The following IL17RE variants were observed in gnomAD, a reference collection of about 807,000 sequenced individuals.
The protein encoded by IL17RE is interleukin-17 receptor E.
In IL17RE, 47 loss-of-function variants were observed where a neutral mutation model predicts 70.7. The observed-to-expected ratio is 0.67, with a 90% CI of 0.53 to 0.85. The LOEUF (loss-of-function observed/expected upper bound fraction) is 0.85. Ranked by LOEUF, IL17RE falls within the 40% of genes least tolerant of loss-of-function variation. The probability of loss-of-function intolerance (pLI) is 0.00; values close to 1 mark genes in which losing one functional copy is unlikely to be tolerated. For synonymous variants in IL17RE, 372 were observed against 381.2 expected, an observed-to-expected ratio of 0.98 and a Z score of 0.28; for missense variants, 850 against 893.9, an observed-to-expected ratio of 0.95 and a Z score of 0.63.
chr3:9,915,843 G>T lies in IL17RE; in HGVS notation c.*36G>T. On this transcript the variant is annotated 3_prime_UTR_variant, in exon 16 of 16. Coordinates refer to ENST00000383814, the MANE Select transcript of IL17RE (RefSeq NM_153480.2). This position sits in a 1 kb window ranked among gnomAD's most constrained non-coding sequence, Gnocchi z 4.9. ...ACCGCAGTCCCGGGTGTCTGCGGCC[G>T]CAACGCAACGGACACTGGCTGGAAC... 2 of 1,466,322 alleles carry T rather than the reference G, an allele frequency of 1.4e-6. No homozygotes were observed. Among genetic ancestry groups the T allele is most frequent in the African/African-American group, 1.5e-5 (1 of 67,892 alleles). The allele number at this position is 1,466,322 out of a possible 1,614,324, so 90.8% of individuals were successfully genotyped here. A position where few individuals can be genotyped will look rare whatever the true frequency, so the allele number is the denominator to read the frequency against.
Position 9,915,977 on chromosome 3 carries a change from C to T in IL17RE, c.*170C>T. ...CGGAAGTCCCAGCCCAGTCCCCGCGCGCGTCCCTCTTCCTCCTCATACTTT... is the reference window on the plus strand; with the variant it reads ...CGGAAGTCCCAGCCCAGTCCCCGCGTGCGTCCCTCTTCCTCCTCATACTTT... On this transcript the variant is annotated 3_prime_UTR_variant, in exon 16 of 16. Coordinates refer to ENST00000383814, the MANE Select transcript of IL17RE (RefSeq NM_153480.2). The surrounding 1 kb of genome is among the most constrained non-coding windows in gnomAD (Gnocchi z 4.9). The T allele has an allele frequency of 8.3e-7, 1 of 1,207,962 alleles. No individual in the cohort carries two copies. Among genetic ancestry groups the T allele is most frequent in the Non-Finnish European group, 1.1e-6 (1 of 935,202 alleles). 74.8% of individuals were successfully genotyped at this position (1,207,962 alleles called of 1,614,324 possible).
In IL17RE at chr3:9,905,094, C is replaced by CAAAAAA. The variant is rs71626946; in HGVS notation, c.268+963_268+968dup. 1.5e-3 allele frequency among the ~76,000 whole-genome samples: 84 copies of CAAAAAA among 55,494 alleles called. 1 individual carries two copies. Among genetic ancestry groups the CAAAAAA allele is most frequent in the Middle Eastern group, 0.016 (1 of 64 alleles). 36.4% of individuals were successfully genotyped at this position (55,494 alleles called of 152,430 possible). A position where few individuals can be genotyped will look rare whatever the true frequency, so the allele number is the denominator to read the frequency against. Reference sequence around the variant, plus strand: ...TGGATGACAGTGTGAGACCCTGTCTCAAAAAAAAAAAAAAAAAAAAAAAAA... The same window carrying CAAAAAA: ...TGGATGACAGTGTGAGACCCTGTCTCAAAAAAAAAAAAAAAAAAAAAAAAAAAAAAA... On this transcript the variant is annotated intron_variant, in intron 3 of 15. Coordinates refer to ENST00000383814, the MANE Select transcript of IL17RE (RefSeq NM_153480.2).
At position 9,915,445 on chromosome 3, in the gene IL17RE, G is replaced by A; in HGVS notation, c.1642G>A (p.Val548Ile). The change falls in exon 16 of 16, where the codon GTA becomes ATA. Residue 548 changes from valine (V) to isoleucine (I), a missense_variant. Physicochemically the swap from Val to Ile is conservative, Grantham distance 29. Coordinates refer to ENST00000383814, the MANE Select transcript of IL17RE (RefSeq NM_153480.2). This position sits in a 1 kb window ranked among gnomAD's most constrained non-coding sequence, Gnocchi z 4.9. The stretch of plus-strand genomic sequence containing the variant: ...GTGGCTCTGGGCGGCGCGGACGCGC[G>A]TAGCGCGGGAGCAGGGCACTGTGCT... ...LPWLWAARTR[V>I]AREQGTVLLL... The A allele has an allele frequency of 1.5e-6, 2 of 1,352,376 alleles. No individual in the cohort carries two copies. Among genetic ancestry groups the A allele is most frequent in the Non-Finnish European group, 1.9e-6 (2 of 1,060,746 alleles). 83.8% of individuals were successfully genotyped at this position (1,352,376 alleles called of 1,614,324 possible). A position where few individuals can be genotyped will look rare whatever the true frequency, so the allele number is the denominator to read the frequency against.
intron 8 of IL17RE, chr3:9,909,869 G>A (rs1413846577): frequency 6.6e-6 from 1 of 152,510 alleles, no homozygotes; most frequent in Non-Finnish European, 1.5e-5. Flanking sequence ...AGCCCAAGAA[G>A]GGCCATTATA....
upstream of IL17RE, chr3:9,902,767 G>C: frequency 6.5e-7 from 1 of 1,538,228 alleles, no homozygotes; most frequent in Non-Finnish European, 8.7e-7. Context: ...AATGTGGCCT[G>C]GCTGGCTGGT....
At chr3:9,911,799 CTTTTTTTCT>C in intron 12 of IL17RE, 11 of 478,012 alleles carry the variant, frequency 2.3e-5, no homozygotes, top group South Asian at 1.2e-4. Context: ...TCTTTTTTTT[CTTTTTTTCT>C]TTTTTTTTTT....
At chr3:9,908,358 C>G in intron 7 of IL17RE, 51 bp downstream of exon 7, 1 of 1,496,502 alleles carries the variant, frequency 6.7e-7, no homozygotes, top group Middle Eastern at 2.0e-4. Flanking sequence ...CCTAAGCCCC[C>G]AAGGTAGCGC....
intron 2 of IL17RE, among the ~76,000 whole-genome samples, chr3:9,903,756 C>T (rs1046275454): frequency 3.3e-5 from 5 of 152,146 alleles, no homozygotes; most frequent in Non-Finnish European, 5.9e-5. Context: ...TTGGCTCCTC[C>T]CCTTAACTGA....
rs2082986328 is a variant in IL17RE, at chr3:9,915,129, A to C, written c.1448-122A>C. On this transcript the variant is annotated intron_variant, in intron 15 of 15. Transcript: ENST00000383814. The surrounding 1 kb of genome is among the most constrained non-coding windows in gnomAD (Gnocchi z 4.9). ...TGTTTTCGGTACCAACCCCCAGAGCAAATAAGGGGCGGGGGCGGGGGCGGA... is the reference window on the plus strand; with the variant it reads ...TGTTTTCGGTACCAACCCCCAGAGCCAATAAGGGGCGGGGGCGGGGGCGGA... 1.6e-6 allele frequency: 2 copies of C among 1,274,138 alleles called. No homozygotes were observed. Among genetic ancestry groups the C allele is most frequent in the Admixed American group, 7.7e-5 (2 of 25,880 alleles). The allele number at this position is 1,274,138 out of a possible 1,614,324, so 78.9% of individuals were successfully genotyped here.
At chr3:9,902,645 C>T, upstream of IL17RE, 1 of 1,536,106 alleles carries the variant, frequency 6.5e-7, no homozygotes, top group Middle Eastern at 1.7e-4. Context: ...TGATGCTAGC[C>T]CCTTTCCTGT....
At position 9,907,000 on chromosome 3, in the gene IL17RE, C is replaced by A. The variant is rs1286423855; in HGVS notation, c.566C>A (p.Ala189Asp). The change falls in exon 6 of 16, where the codon GCT becomes GAT. Residue 189 changes from alanine to aspartate, a missense_variant. By Grantham distance (126) the Ala-to-Asp change is moderately radical. Transcript: ENST00000383814. ...FSFDLLPEAR[A>D]IRVTISSGPE... ...TTTGATTTGCTGCCTGAGGCCCGGG[C>A]TATTCGGGTGACCATATCTTCAGGC... 5.0e-6 allele frequency: 8 copies of A among 1,614,056 alleles called. No homozygotes were observed. In the East Asian group the frequency reaches 1.6e-4, roughly 31 times the overall value.
chr3:9,912,291 T>A (rs2082912349), intron 12 of IL17RE, among the ~76,000 whole-genome samples: 1 of 152,062 alleles, frequency 6.6e-6, no homozygotes. Flanking sequence ...ATGAAACCAG[T>A]CCCTGGTGCC....
chr3:9,914,094 G>A (rs2082955858), intron 13 of IL17RE, 70 bp downstream of exon 13: 8 of 1,247,354 alleles, frequency 6.4e-6, no homozygotes, highest in Non-Finnish European at 9.4e-6. Context: ...CCCACCCCTG[G>A]AAAATCCATT....
At chr3:9,907,177 G>A (rs2082779916) in intron 6 of IL17RE, 77 bp downstream of exon 6, 1 of 1,566,834 alleles carries the variant, frequency 6.4e-7, no homozygotes, top group Admixed American at 1.7e-5. Flanking sequence ...TACAAATGAG[G>A]AAACTGAGGC....
At position 9,911,117 on chromosome 3, in the gene IL17RE, C is replaced by T; in HGVS notation, c.979-10C>T. 3 of 1,614,190 alleles carry T rather than the reference C, an allele frequency of 1.9e-6. No homozygotes were observed. Among genetic ancestry groups the T allele is most frequent in the African/African-American group, 2.7e-5 (2 of 75,046 alleles). ...TTTTCTCCCTGATGAACTCTCCTCTCCTCCCACAGTGGTATGTTTTGGAGA... is the reference window on the plus strand; with the variant it reads ...TTTTCTCCCTGATGAACTCTCCTCTTCTCCCACAGTGGTATGTTTTGGAGA... On this transcript the variant is annotated splice_polypyrimidine_tract_variant and intron_variant, in intron 9 of 15. Transcript: ENST00000383814.
At chr3:9,914,285 C>A in intron 13 of IL17RE, 2 of 820,052 alleles carry the variant, frequency 2.4e-6, no homozygotes, top group Non-Finnish European at 3.7e-6. Context: ...CTGATTGTTT[C>A]AGTCAGGGCC....
intron 3 of IL17RE, among the ~76,000 whole-genome samples, chr3:9,904,374 A>G (rs2082704313): frequency 6.6e-6 from 1 of 152,230 alleles, no homozygotes; most frequent in Non-Finnish European, 1.5e-5. Flanking sequence ...ATTAAAAGCT[A>G]TGGATTTATT....
intron 6 of IL17RE, 74 bp from the exon 7 acceptor site, chr3:9,908,165 C>T: frequency 8.0e-7 from 1 of 1,248,390 alleles, no homozygotes; most frequent in African/African-American, 1.5e-5. Context: ...GATCCCAGCA[C>T]TGTTCTGCCC....
rs538654923 is a variant in IL17RE, at chr3:9,913,828, T to C, written c.1228-128T>C. On this transcript the variant is annotated intron_variant, in intron 12 of 15. Coordinates refer to ENST00000383814, the MANE Select transcript of IL17RE (RefSeq NM_153480.2). ...ACTGGGGAAGCCTTCTTGTCAGAGGTGGCACTTGGCCTAAGCCTCGTAGGA... is the reference window on the plus strand; with the variant it reads ...ACTGGGGAAGCCTTCTTGTCAGAGGCGGCACTTGGCCTAAGCCTCGTAGGA... The C allele has an allele frequency of 2.8e-5, 20 of 706,932 alleles. No homozygotes were observed. The African/African-American group carries it at 3.0e-4, about 11-fold the overall frequency. 43.8% of individuals were successfully genotyped at this position (706,932 alleles called of 1,614,324 possible). A position where few individuals can be genotyped will look rare whatever the true frequency, so the allele number is the denominator to read the frequency against.
Sources: gnomAD v4.1 joint callset for allele counts (sites outside exome capture counted in the v4.1 genomes callset) on GRCh38, gnomAD v4.1.1 for gene constraint, Gnocchi (gnomAD v3.1) non-coding constraint, MANE v1.5 for transcripts, NCBI Gene and HGNC (gene_info 2026-07-23, HGNC 2026-07-21) for gene names.